ERC2: variants seen among roughly 807,000 people sequenced by gnomAD.
The protein encoded by ERC2 is ELKS/RAB6-interacting/CAST family member 2.
In ERC2, 42 loss-of-function variants were observed where a neutral mutation model predicts 114.8. The ratio of observed to expected loss-of-function variants is 0.37; its 90% CI spans 0.29 to 0.47. ERC2 has a LOEUF of 0.47. Among genes scored for constraint, ERC2 ranks in the 20% least tolerant of loss-of-function variants. ERC2 has a pLI of 0.99. For synonymous variants in ERC2, 454 were observed against 425.5 expected, an observed-to-expected ratio of 1.07 and a Z score of -0.82; for missense variants, 939 against 1,150.7, an observed-to-expected ratio of 0.82 and a Z score of 2.66.
intron 17 of ERC2, among the ~76,000 whole-genome samples, chr3:55,517,472 T>C (rs1559585575): frequency 6.9e-6 from 1 of 144,172 alleles, no homozygotes; most frequent in Non-Finnish European, 1.5e-5. Flanking sequence ...AAAAAAAAAT[T>C]ATCAAAAACC....
intron 2 of ERC2, among the ~76,000 whole-genome samples, chr3:56,324,432 A>G (rs954646958): frequency 8.5e-5 from 13 of 152,170 alleles, no homozygotes; most frequent in Non-Finnish European, 1.8e-4. Flanking sequence ...CTAATACACA[A>G]TCTACTGAAC....
At chr3:55,708,354 G>C (rs766676976) in intron 15 of ERC2, among the ~76,000 whole-genome samples, 22 of 152,212 alleles carry the variant, frequency 1.4e-4, no homozygotes, top group Non-Finnish European at 2.8e-4. Flanking sequence ...GCAGAGTCTG[G>C]GGGAAGGGAA....
chr3:55,892,282 A>G (rs559082349), intron 13 of ERC2, among the ~76,000 whole-genome samples: 1 of 152,344 alleles, frequency 6.6e-6, no homozygotes, highest in Non-Finnish European at 1.5e-5. Context: ...GGGCCAGTGG[A>G]TCATTTGATC....
chr3:56,265,597 G>A (rs1267644986), intron 3 of ERC2, among the ~76,000 whole-genome samples: 1 of 152,094 alleles, frequency 6.6e-6, no homozygotes, highest in Non-Finnish European at 1.5e-5. Flanking sequence ...GCAAAATAAA[G>A]AAGTGTAACT....
chr3:56,259,556 C>T (rs918188313), intron 3 of ERC2, among the ~76,000 whole-genome samples: 3 of 151,804 alleles, frequency 2.0e-5, no homozygotes, highest in Non-Finnish European at 4.4e-5. Flanking sequence ...GGGGAGGAAA[C>T]GTGGGTTTTA....
intron 7 of ERC2, among the ~76,000 whole-genome samples, chr3:56,080,370 G>A (rs2077175081): frequency 6.6e-6 from 1 of 151,914 alleles, no homozygotes; most frequent in South Asian, 2.1e-4. Flanking sequence ...TTAAGTAATG[G>A]GTATAAAACA....
At chr3:56,274,737 C>T (rs2053885480) in intron 3 of ERC2, among the ~76,000 whole-genome samples, 2 of 152,024 alleles carry the variant, frequency 1.3e-5, no homozygotes, top group African/African-American at 4.8e-5. Context: ...ATTACTGGCC[C>T]ACAGCCATGA....
chr3:55,788,500 C>T (rs4607078), intron 14 of ERC2, among the ~76,000 whole-genome samples: 11,371 of 152,260 alleles, frequency 0.075, 729 homozygotes, highest in African/African-American at 0.17. Flanking sequence ...TGTGAATCTT[C>T]CCTTGAGAAT....
chr3:55,742,211 A>G (rs1384918845), intron 14 of ERC2, among the ~76,000 whole-genome samples: 1 of 152,070 alleles, frequency 6.6e-6, no homozygotes, highest in African/African-American at 2.4e-5. Context: ...TCACAAAGAG[A>G]GTTCCAGGAT....
intron 14 of ERC2, among the ~76,000 whole-genome samples, chr3:55,739,014 G>T (rs2148933977): frequency 6.6e-6 from 1 of 152,276 alleles, no homozygotes; most frequent in South Asian, 2.1e-4. Flanking sequence ...TGCAGTGTTT[G>T]GTTTTCTGTT....
intron 15 of ERC2, among the ~76,000 whole-genome samples, chr3:55,723,779 A>C (rs1289693939): frequency 6.6e-6 from 1 of 152,240 alleles, no homozygotes; most frequent in African/African-American, 2.4e-5. Flanking sequence ...TGTGCACCAC[A>C]ATGGTGATCA....
At chr3:56,403,065 A>G (rs1241429349) in intron 2 of ERC2, among the ~76,000 whole-genome samples, 2 of 152,162 alleles carry the variant, frequency 1.3e-5, no homozygotes, top group African/African-American at 4.8e-5. Context: ...TCCCTAGCTA[A>G]GAACCACTGT....
At chr3:56,200,348 G>GAAAAAAAAAAAAA (rs5849133) in intron 3 of ERC2, among the ~76,000 whole-genome samples, 1 of 141,350 alleles carries the variant, frequency 7.1e-6, no homozygotes, top group Non-Finnish European at 1.5e-5. Flanking sequence ...ATACTCAGGG[G>GAAAAAAAAAAAAA]AAAAAAAAAA....
chr3:55,947,982 GA>G (rs2067241719), intron 13 of ERC2, among the ~76,000 whole-genome samples: 1 of 152,188 alleles, frequency 6.6e-6, no homozygotes, highest in South Asian at 2.1e-4. Flanking sequence ...ATGAAATAAA[GA>G]AGACTGGATT....
At chr3:55,584,848 G>A (rs60111812) in intron 17 of ERC2, among the ~76,000 whole-genome samples, 18,256 of 152,188 alleles carry the variant, frequency 0.12, 1,273 homozygotes, top group African/African-American at 0.17. Flanking sequence ...GGGCATTCCC[G>A]CCCCAAGAAG....
intron 16 of ERC2, among the ~76,000 whole-genome samples, chr3:55,691,873 G>A (rs1008511235): frequency 6.6e-6 from 1 of 151,990 alleles, no homozygotes; most frequent in African/African-American, 2.4e-5. Context: ...GAGGAAGTTA[G>A]GGAGAGAAGT....
chr3:56,104,852 A>G (rs1205377669), intron 6 of ERC2, among the ~76,000 whole-genome samples: 2 of 152,196 alleles, frequency 1.3e-5, no homozygotes, highest in African/African-American at 4.8e-5. Flanking sequence ...GGGGCAGGGC[A>G]GAAGAAAGAC....
At chr3:55,646,744 T>A (rs930378774) in intron 17 of ERC2, among the ~76,000 whole-genome samples, 1 of 152,158 alleles carries the variant, frequency 6.6e-6, no homozygotes, top group South Asian at 2.1e-4. Flanking sequence ...ACAACCCTGG[T>A]GTCTAGAACA....
At chr3:56,432,824 A>T (rs1012136821) in intron 2 of ERC2, among the ~76,000 whole-genome samples, 1 of 152,192 alleles carries the variant, frequency 6.6e-6, no homozygotes, top group African/African-American at 2.4e-5. Context: ...TCAGAAAGTT[A>T]AATAATATCT....
Sources: gnomAD v4.1 joint callset for allele counts (sites outside exome capture counted in the v4.1 genomes callset) on GRCh38, gnomAD v4.1.1 for gene constraint, MANE v1.5 for transcripts, NCBI Gene and HGNC (gene_info 2026-07-23, HGNC 2026-07-21) for gene names.